SCNN1B: variants seen among roughly 807,000 people sequenced by gnomAD.
The protein encoded by SCNN1B is epithelial sodium channel subunit beta.
SCNN1B carries 46 observed loss-of-function variants against 65.3 expected under a neutral mutation model. The observed-to-expected ratio is 0.70, with a 90% CI of 0.56 to 0.90. The LOEUF (loss-of-function observed/expected upper bound fraction) is 0.90, where lower values mean the gene tolerates loss of function less well. SCNN1B is among the 40% of genes least tolerant of loss of function. The pLI, the probability that SCNN1B is intolerant of heterozygous loss-of-function variation, is 0.00. For missense variants in SCNN1B, 751 were observed against 830.5 expected (o/e 0.90, Z 1.18); for synonymous variants, 349 against 330.6 (o/e 1.06, Z -0.60).
At chr16:23,288,452 C>T (rs1181007656) in intron 2 of SCNN1B, among the ~76,000 whole-genome samples, 1 of 152,114 alleles carries the variant, frequency 6.6e-6, no homozygotes. Flanking sequence ...AGTCAGGAAC[C>T]CCAGCAAGGC....
rs72652287 is a variant in SCNN1B, at chr16:23,314,794, T to C, written c.-9+12357T>C. Among the ~76,000 whole-genome samples, 931 of 152,312 alleles carry C rather than the reference T, an allele frequency of 6.1e-3. 11 individuals are homozygous for C. Among genetic ancestry groups the C allele is most frequent in the Non-Finnish European group, 5.3e-3 (359 of 68,020 alleles). ...AGCCCCTTGCCTTCAGGGCGCCACA[T>C]TCCCAGCCTTCAATTTTCCCTGGAG... On this transcript the variant is annotated intron_variant, in intron 1 of 12. Coordinates refer to ENST00000343070, the MANE Select transcript of SCNN1B (RefSeq NM_000336.3).
chr16:23,292,388 G>A (rs1321746966), intron 2 of SCNN1B, among the ~76,000 whole-genome samples: 3 of 151,260 alleles, frequency 2.0e-5, no homozygotes, highest in East Asian at 2.0e-4. Context: ...TAGTAGAGAC[G>A]GGGTTTCACT....
At chr16:23,343,511 A>AAGAGGGAGGGAGGGAG in intron 1 of SCNN1B, among the ~76,000 whole-genome samples, 1 of 122,416 alleles carries the variant, frequency 8.2e-6, no homozygotes, top group South Asian at 3.3e-4. Context: ...AGGAAGGAAA[A>AAGAGGGAGGGAGGGAG]GGAAGGAAGG....
In SCNN1B at chr16:23,297,041, C is replaced by CT. The variant is rs1256533368; in HGVS notation, n.178+13238dup. 8.3e-4 allele frequency among the ~76,000 whole-genome samples: 125 copies of CT among 151,190 alleles called. 11 individuals are homozygous for CT. On this transcript the variant is annotated intron_variant and non_coding_transcript_variant, in intron 2 of 3. Coordinates refer to the SCNN1B transcript ENST00000569789. ...GAGAGAGAAATTGAAGATCAGGGAT[C>CT]TGCCTTTGATCAATGGAATAAGGAT...
At chr16:23,298,559 C>CT (rs1382981921), upstream of SCNN1B, among the ~76,000 whole-genome samples, 1 of 152,172 alleles carries the variant, frequency 6.6e-6, no homozygotes, top group Non-Finnish European at 1.5e-5. Flanking sequence ...TGGAGAGGTG[C>CT]TGTTGGTGCC....
At chr16:23,356,557 G>A (rs1032517503) in intron 4 of SCNN1B, among the ~76,000 whole-genome samples, 15 of 151,630 alleles carry the variant, frequency 9.9e-5, no homozygotes, top group African/African-American at 2.9e-4. Context: ...CCAGGAGGTC[G>A]AAGCTACAGT....
rs183296489 is a variant in SCNN1B at position 23,286,264 on chromosome 16, T to C, written n.178+2460T>C. Among the ~76,000 whole-genome samples the C allele has an allele frequency of 1.6e-4, 24 of 152,292 alleles. No individual in the cohort carries two copies. In the East Asian group the frequency reaches 4.6e-3, roughly 29 times the overall value. ...AACTTTGCAACTCCGAACAAAATGA[T>C]TGACTCAGACAATGATCATCAATGG... On this transcript the variant is annotated intron_variant and non_coding_transcript_variant, in intron 2 of 3. Transcript: ENST00000569789.
Position 23,348,539 on chromosome 16 carries a change from T to C in SCNN1B, c.-8-53T>C. On this transcript the variant is annotated intron_variant, in intron 1 of 12. Transcript: ENST00000343070. The surrounding 1 kb of genome is among the most constrained non-coding windows in gnomAD (Gnocchi z 4.5). Reference sequence around the variant, plus strand: ...GTTCCTGGACGTGACTGGGACATCCTCGCAGGCAAGGCTGGTGTCCCAGCT... The same window carrying C: ...GTTCCTGGACGTGACTGGGACATCCCCGCAGGCAAGGCTGGTGTCCCAGCT... The C allele has an allele frequency of 1.3e-6, 2 of 1,587,484 alleles. No individual in the cohort carries two copies. The highest frequency in any genetic ancestry group is 1.7e-6 in the Non-Finnish European group (2 of 1,161,478).
intron 1 of SCNN1B, among the ~76,000 whole-genome samples, chr16:23,315,509 G>A (rs1412597396): frequency 6.6e-6 from 1 of 152,088 alleles, no homozygotes; most frequent in Non-Finnish European, 1.5e-5. Context: ...ACTTACTATA[G>A]AACAGGCATG....
At chr16:23,306,253 A>C (rs1249617359) in intron 1 of SCNN1B, among the ~76,000 whole-genome samples, 3 of 152,096 alleles carry the variant, frequency 2.0e-5, no homozygotes, top group South Asian at 2.1e-4. Context: ...AAAAAAAAAA[A>C]AAACCTATGT....
chr16:23,349,580 A>G (rs537359298), intron 2 of SCNN1B, among the ~76,000 whole-genome samples: 3 of 152,136 alleles, frequency 2.0e-5, no homozygotes, highest in African/African-American at 4.8e-5. Flanking sequence ...CTAGGCTTAG[A>G]GAGAACCTTG....
At chr16:23,319,026 TG>T (rs1373680226) in intron 1 of SCNN1B, among the ~76,000 whole-genome samples, 4 of 147,160 alleles carry the variant, frequency 2.7e-5, no homozygotes, top group African/African-American at 1.0e-4. Context: ...TTTTGTTTTT[TG>T]GGGGTTTTGT....
intron 2 of SCNN1B, among the ~76,000 whole-genome samples, chr16:23,351,461 C>T (rs1357072874): frequency 6.6e-6 from 1 of 152,190 alleles, no homozygotes; most frequent in South Asian, 2.1e-4. Context: ...ATAACACCAC[C>T]ACCTGCACAG....
At position 23,354,793 on chromosome 16, in the gene SCNN1B, G is replaced by A. The variant is rs114886885; in HGVS notation, c.586-506G>A. Among the ~76,000 whole-genome samples the A allele has an allele frequency of 4.3e-3, 661 of 152,316 alleles. 5 individuals are homozygous for A. Among genetic ancestry groups the A allele is most frequent in the African/African-American group, 0.015 (641 of 41,568 alleles). On this transcript the variant is annotated intron_variant, in intron 3 of 12. Transcript: ENST00000343070. ...TATGGGGTTCGGGGCTAGGATGGATGTGTGTTACAATGACATGAGGCTGTG... is the reference window on the plus strand; with the variant it reads ...TATGGGGTTCGGGGCTAGGATGGATATGTGTTACAATGACATGAGGCTGTG...
chr16:23,381,227 C>A lies in SCNN1B; in HGVS notation c.*426C>A. ...CAGGGGTGGTGGAGAGATGGAAGGG[C>A]ATCAGGTGTAGGGACCCTGCCAAGT... On this transcript the variant is annotated 3_prime_UTR_variant, in exon 13 of 13. Coordinates refer to ENST00000343070, the MANE Select transcript of SCNN1B (RefSeq NM_000336.3). 1 of 244,844 alleles carries A rather than the reference C, an allele frequency of 4.1e-6. No individual in the cohort carries two copies. The highest frequency in any genetic ancestry group is 6.2e-5 in the South Asian group (1 of 16,138). The allele number at this position is 244,844 out of a possible 1,614,324, so 15.2% of individuals were successfully genotyped here.
upstream of SCNN1B, among the ~76,000 whole-genome samples, chr16:23,301,569 G>A (rs149427500): frequency 2.6e-5 from 4 of 152,300 alleles, no homozygotes; most frequent in East Asian, 7.7e-4. Context: ...TGGCAAGAAA[G>A]TGGCTGAAAT....
At chr16:23,334,103 A>G (rs1008950857) in intron 1 of SCNN1B, among the ~76,000 whole-genome samples, 1 of 152,090 alleles carries the variant, frequency 6.6e-6, no homozygotes, top group Non-Finnish European at 1.5e-5. Flanking sequence ...CACACCATGG[A>G]ATGAAACCGT....
chr16:23,372,170 A>G, intron 7 of SCNN1B: 6 of 500,952 alleles, frequency 1.2e-5, no homozygotes, highest in Non-Finnish European at 2.2e-5. Context: ...AACAAAAAAT[A>G]GCAGCTAACA....
chr16:23,329,330 G>T (rs182831633), intron 1 of SCNN1B, among the ~76,000 whole-genome samples: 150 of 151,626 alleles, frequency 9.9e-4, no homozygotes, highest in African/African-American at 3.6e-3. Context: ...TGCCCAGACT[G>T]GTCTCAAACT....
Sources: allele counts gnomAD v4.1 joint callset (sites outside exome capture counted in the v4.1 genomes callset), GRCh38; gene constraint gnomAD v4.1.1; non-coding constraint Gnocchi (gnomAD v3.1); transcripts MANE v1.5; gene names NCBI Gene and HGNC (gene_info 2026-07-23, HGNC 2026-07-21).